Variants in CEP44 observed in about 807,000 individuals in gnomAD.
CEP44 encodes centrosomal protein of 44 kDa.
In CEP44, 45 loss-of-function variants were observed where a neutral mutation model predicts 46.7. The observed-to-expected ratio is 0.96, with a 90% CI of 0.76 to 1.24. The LOEUF (loss-of-function observed/expected upper bound fraction) is 1.24. Ranked by LOEUF, CEP44 falls within the 50% of genes most tolerant of loss-of-function variation. CEP44 has a pLI of 0.00. For missense variants in CEP44, 475 were observed against 459.7 expected, an observed-to-expected ratio of 1.03 and a Z score of -0.30; for synonymous variants, 142 against 146.0, an observed-to-expected ratio of 0.97 and a Z score of 0.20.
chr4:174,306,801 AATCTT>A (rs1740458493), intron 6 of CEP44, among the ~76,000 whole-genome samples: 1 of 152,158 alleles, frequency 6.6e-6, no homozygotes, highest in Non-Finnish European at 1.5e-5. Context: ...AATTGCTAGC[AATCTT>A]ATCTACCAAC....
At chr4:174,305,835 A>G (rs901694803) in intron 6 of CEP44, among the ~76,000 whole-genome samples, 1 of 152,162 alleles carries the variant, frequency 6.6e-6, no homozygotes, top group African/African-American at 2.4e-5. Flanking sequence ...GTGCTTTTCA[A>G]TGTTCTATTT....
downstream of CEP44, among the ~76,000 whole-genome samples, chr4:174,320,823 A>G (rs956130004): frequency 6.6e-6 from 1 of 151,976 alleles, no homozygotes; most frequent in Non-Finnish European, 1.5e-5. Flanking sequence ...TGAAGGATTT[A>G]TTTTACCGCT....
chr4:174,294,632 G>A (rs574398311), intron 1 of CEP44, among the ~76,000 whole-genome samples: 11 of 151,682 alleles, frequency 7.3e-5, no homozygotes, highest in Non-Finnish European at 1.2e-4. Flanking sequence ...GGGCAGAGGC[G>A]CCCCTCACCT....
Position 174,319,981 on chromosome 4 carries a change from C to T in CEP44, c.*2598C>T. On this transcript the variant is annotated 3_prime_UTR_variant, in exon 12 of 12. Coordinates refer to ENST00000503780, the MANE Select transcript of CEP44 (RefSeq NM_001040157.3). ...GAAGAGATTACCTAGAGCTACATAA[C>T]CCTAAGTTAAGTAAAATTTTCACTT... 1 of 985,056 alleles carries T rather than the reference C, an allele frequency of 1.0e-6. No individual in the cohort carries two copies. The highest frequency in any genetic ancestry group is 1.1e-4 in the East Asian group (1 of 8,816). 61.0% of individuals were successfully genotyped at this position (985,056 alleles called of 1,614,324 possible). A position where few individuals can be genotyped will look rare whatever the true frequency, so the allele number is the denominator to read the frequency against.
At position 174,325,668 on chromosome 4, in the gene CEP44, AAGAG is replaced by A. The variant is rs1172515208; in HGVS notation, c.1087-5811_1087-5808del. Among the ~76,000 whole-genome samples the A allele has an allele frequency of 6.6e-6, 1 of 152,108 alleles. No homozygotes were observed. The highest frequency in any genetic ancestry group is 2.4e-5 in the African/African-American group (1 of 41,428). ...AGACCCTGTCTCTAAAAATAAGAAA[AAGAG>A]AGGTGTTGAAGTCTCCAACTAGAAC... is the stretch of plus-strand genomic sequence containing the variant. On this transcript the variant is annotated intron_variant, in intron 8 of 8. Coordinates refer to the CEP44 transcript ENST00000426172. The surrounding 1 kb of genome is among the most constrained non-coding windows in gnomAD (Gnocchi z 4.4).
chr4:174,302,974 G>T (rs1739914184), intron 4 of CEP44, among the ~76,000 whole-genome samples: 1 of 151,862 alleles, frequency 6.6e-6, no homozygotes, highest in South Asian at 2.1e-4. Context: ...AGTAGAGAGG[G>T]TTTCACCATG....
Position 174,286,443 on chromosome 4 carries a change from T to C in CEP44, c.-148+2500T>C, listed in dbSNP as rs1260610173. Among the ~76,000 whole-genome samples the C allele has an allele frequency of 6.6e-6, 1 of 152,256 alleles. No individual in the cohort carries two copies. The highest frequency in any genetic ancestry group is 1.5e-5 in the Non-Finnish European group (1 of 68,038). On this transcript the variant is annotated intron_variant, in intron 1 of 11. Transcript: ENST00000503780. The surrounding 1 kb of genome is among the most constrained non-coding windows in gnomAD (Gnocchi z 5.2). ...TTTTAATATAATGACTTCATTTTAATGTGATAACTTCATTTTAAAGGAGCT... is the reference window on the plus strand; with the variant it reads ...TTTTAATATAATGACTTCATTTTAACGTGATAACTTCATTTTAAAGGAGCT...
intron 2 of CEP44, among the ~76,000 whole-genome samples, chr4:174,298,523 A>T (rs1032403311): frequency 6.6e-6 from 1 of 152,204 alleles, no homozygotes; most frequent in African/African-American, 2.4e-5. Context: ...AGAAAATGGA[A>T]AGGAAGGTAA....
Position 174,301,251 on chromosome 4 carries a change from C to T in CEP44, c.90-788C>T, listed in dbSNP as rs112973883. Reference sequence around the variant, plus strand: ...TAACTGGCAAATTGAACAAATACCTCCTGTGCTTTGTTGTGGGAAAATCAG... The same window carrying T: ...TAACTGGCAAATTGAACAAATACCTTCTGTGCTTTGTTGTGGGAAAATCAG... On this transcript the variant is annotated intron_variant, in intron 3 of 11. Transcript: ENST00000503780. This position sits in a 1 kb window ranked among gnomAD's most constrained non-coding sequence, Gnocchi z 4.3. Among the ~76,000 whole-genome samples, 1,789 of 152,158 alleles carry T rather than the reference C, an allele frequency of 0.012. 33 individuals carry two copies. The highest frequency in any genetic ancestry group is 0.04 in the African/African-American group (1,675 of 41,524).
chr4:174,302,216 T>C (rs764500665), intron 4 of CEP44, 30 bp downstream of exon 4: 3 of 1,426,292 alleles, frequency 2.1e-6, no homozygotes, highest in Admixed American at 2.1e-5. Context: ...CAATAACTAT[T>C]AGTTATTGAA....
rs56201469 is a variant in CEP44, at chr4:174,291,787, C to CTTTTTTTTTTTTTTTTTTTTTTTTTTT, written c.-147-6154_-147-6153insTTTTTTTTTTTTTTTTTTTTTTTTTTT. Among the ~76,000 whole-genome samples the CTTTTTTTTTTTTTTTTTTTTTTTTTTT allele has an allele frequency of 2.6e-4, 12 of 46,410 alleles. 1 individual carries two copies. Among genetic ancestry groups the CTTTTTTTTTTTTTTTTTTTTTTTTTTT allele is most frequent in the Admixed American group, 6.4e-4 (2 of 3,126 alleles). 30.4% of individuals were successfully genotyped at this position (46,410 alleles called of 152,430 possible). A position where few individuals can be genotyped will look rare whatever the true frequency, so the allele number is the denominator to read the frequency against. ...CTTTATTCTTTTATCTTTTTCTTTT[C>CTTTTTTTTTTTTTTTTTTTTTTTTTTT]TTTTTTTTTTTTTTTTTTTTTTTTT... On this transcript the variant is annotated intron_variant, in intron 1 of 11. Transcript: ENST00000503780.
chr4:174,324,751 T>G (rs1742548434), downstream of CEP44, among the ~76,000 whole-genome samples: 1 of 152,120 alleles, frequency 6.6e-6, no homozygotes, highest in African/African-American at 2.4e-5. Context: ...CACTTACCCC[T>G]GAGTAGCAGG....
chr4:174,316,325 G>A (rs1741709013), intron 10 of CEP44, 35 bp downstream of exon 10: 1 of 1,584,410 alleles, frequency 6.3e-7, no homozygotes. Context: ...CTTTCTAAAT[G>A]AGGAAAACAA....
intron 5 of CEP44, 24 bp from the exon 6 acceptor site, chr4:174,304,223 T>G: frequency 1.3e-6 from 2 of 1,565,060 alleles, no homozygotes; most frequent in Non-Finnish European, 1.7e-6. Context: ...AATTTGTTAT[T>G]TTGACTAATA....
In CEP44 at chr4:174,288,374, A is replaced by T. The variant is rs1340904465; in HGVS notation, c.-148+4431A>T. On this transcript the variant is annotated intron_variant, in intron 1 of 11. Coordinates refer to ENST00000503780, the MANE Select transcript of CEP44 (RefSeq NM_001040157.3). This position sits in a 1 kb window ranked among gnomAD's most constrained non-coding sequence, Gnocchi z 4.6. ...CACAGACACTGGGTTGTACCTGCAG[A>T]TCTTATTTATTTTGCCTAACTGAAA... Among the ~76,000 whole-genome samples the T allele has an allele frequency of 6.6e-6, 1 of 152,098 alleles. No individual in the cohort carries two copies. The highest frequency in any genetic ancestry group is 1.9e-4 in the East Asian group (1 of 5,192).
rs1739796405 is a variant in CEP44 at position 174,302,140 on chromosome 4, A to C, written c.191A>C (p.Glu64Ala). 1.2e-6 allele frequency: 2 copies of C among 1,609,892 alleles called. No homozygotes were observed. Among genetic ancestry groups the C allele is most frequent in the African/African-American group, 2.7e-5 (2 of 74,792 alleles). ...GAACTTATAATGGAATCCAATGTAG[A>C]GCTCATAGCAAAAAATGACTTGCGC... ...VTELIMESNV[E>A]LIAKNDLRFI... Residue 64 changes from glutamate to alanine, a missense_variant, in exon 4 of 12, where the codon GAG becomes GCG. Physicochemically the swap from Glu to Ala is moderately radical, Grantham distance 107. Coordinates refer to ENST00000503780, the MANE Select transcript of CEP44 (RefSeq NM_001040157.3).
chr4:174,308,412 T>C (rs1431028476), intron 6 of CEP44, among the ~76,000 whole-genome samples: 2 of 152,094 alleles, frequency 1.3e-5, no homozygotes, highest in Non-Finnish European at 1.5e-5. Flanking sequence ...CACTTGTAAG[T>C]GGGAGCTAAA....
intron 2 of CEP44, 35 bp downstream of exon 2, chr4:174,298,097 C>T (rs111735594): frequency 1.5e-4 from 23 of 151,500 alleles, no homozygotes; most frequent in African/African-American, 5.3e-4. Flanking sequence ...TTTTCATTTT[C>T]CAAAATTTTG....
intron 1 of CEP44, among the ~76,000 whole-genome samples, chr4:174,295,055 C>T (rs1419209653): frequency 1.6e-4 from 22 of 140,814 alleles, no homozygotes; most frequent in African/African-American, 4.8e-4. Flanking sequence ...CCCTCCCGGA[C>T]GGGGCGGCTG....
Sources: gnomAD v4.1 joint callset for allele counts (sites outside exome capture counted in the v4.1 genomes callset) on GRCh38, gnomAD v4.1.1 for gene constraint, Gnocchi (gnomAD v3.1) non-coding constraint, MANE v1.5 for transcripts, NCBI Gene and HGNC (gene_info 2026-07-23, HGNC 2026-07-21) for gene names.